Variants in ANKRD17 observed in about 807,000 individuals in gnomAD.
The protein encoded by ANKRD17 is ankyrin repeat domain 17.
Under a neutral mutation model 229.7 loss-of-function variants are expected in ANKRD17, and 19 were observed. The observed-to-expected ratio is 0.08, with a 90% CI of 0.06 to 0.12. The LOEUF is 0.12. Ranked by LOEUF, ANKRD17 falls within the 10% of genes least tolerant of loss-of-function variation. ANKRD17 has a pLI of 1.00. For synonymous variants in ANKRD17, 1,112 were observed against 1,146.1 expected (o/e 0.97, Z 0.60); for missense variants, 2,176 against 3,176.8 (o/e 0.68, Z 7.57).
chr4:73,100,732 T>C (rs1382718633), intron 25 of ANKRD17: 1 of 560,068 alleles, frequency 1.8e-6, no homozygotes. Flanking sequence ...TTTAAAAATG[T>C]AGGTGACATA....
chr4:73,203,921 A>G (rs1051756559), intron 1 of ANKRD17, among the ~76,000 whole-genome samples: 12 of 152,136 alleles, frequency 7.9e-5, no homozygotes, highest in African/African-American at 2.7e-4. Flanking sequence ...AAAAATCAAC[A>G]ACAATGAAAA....
chr4:73,198,553 T>C (rs938932842), intron 1 of ANKRD17, among the ~76,000 whole-genome samples: 2 of 152,116 alleles, frequency 1.3e-5, no homozygotes, highest in African/African-American at 4.8e-5. Flanking sequence ...ACCCATAATT[T>C]TGTAAAAGGA....
chr4:73,093,504 A>G (rs1279796778), intron 28 of ANKRD17, among the ~76,000 whole-genome samples: 1 of 150,770 alleles, frequency 6.6e-6, no homozygotes, highest in Admixed American at 6.6e-5. Flanking sequence ...CAGCCTCCCG[A>G]GTAGCTGAGA....
chr4:73,252,185 T>C (rs1251851999), intron 1 of ANKRD17, among the ~76,000 whole-genome samples: 2 of 152,232 alleles, frequency 1.3e-5, no homozygotes, highest in African/African-American at 4.8e-5. Context: ...CATGGTACTG[T>C]ATAGCAGGAG....
intron 25 of ANKRD17, 184 bp from the exon 26 acceptor site, chr4:73,098,704 G>T: frequency 1.1e-6 from 1 of 880,360 alleles, no homozygotes; most frequent in Non-Finnish European, 1.8e-6. Flanking sequence ...CCCACGTTCT[G>T]TTCAAAGAAT....
chr4:73,150,784 C>T (rs1273451876), intron 7 of ANKRD17, among the ~76,000 whole-genome samples: 1 of 152,080 alleles, frequency 6.6e-6, no homozygotes, highest in Non-Finnish European at 1.5e-5. Context: ...ATTTCTGTGT[C>T]ATAAATAAAC....
chr4:73,240,458 CAAAA>C (rs34164034), intron 1 of ANKRD17, among the ~76,000 whole-genome samples: 4 of 114,850 alleles, frequency 3.5e-5, no homozygotes, highest in Non-Finnish European at 7.1e-5. Context: ...ACTATCTCTA[CAAAA>C]AAAAAAAAAA....
chr4:73,121,520 G>C, intron 19 of ANKRD17, 97 bp downstream of exon 19: 2 of 1,405,746 alleles, frequency 1.4e-6, no homozygotes, highest in Admixed American at 1.8e-5. Context: ...TTGTAATAAA[G>C]GGATTTACTA....
chr4:73,214,045 C>CT (rs1740673155), intron 1 of ANKRD17, among the ~76,000 whole-genome samples: 1 of 152,182 alleles, frequency 6.6e-6, no homozygotes, highest in African/African-American at 2.4e-5. Context: ...AATAGCTTCT[C>CT]TTTGCATTCA....
chr4:73,201,605 A>G (rs1450019729), intron 1 of ANKRD17, among the ~76,000 whole-genome samples: 3 of 152,168 alleles, frequency 2.0e-5, no homozygotes, highest in Non-Finnish European at 4.4e-5. Flanking sequence ...ATATAACACC[A>G]TTAATTTTTC....
chr4:73,168,326 T>A (rs910941859), intron 2 of ANKRD17, among the ~76,000 whole-genome samples: 4 of 152,158 alleles, frequency 2.6e-5, no homozygotes, highest in Non-Finnish European at 5.9e-5. Context: ...TCATAGTGTA[T>A]TTATGTCTAC....
chr4:73,207,204 A>G (rs2149135539), intron 1 of ANKRD17, among the ~76,000 whole-genome samples: 1 of 152,360 alleles, frequency 6.6e-6, no homozygotes, highest in Admixed American at 6.5e-5. Context: ...AGCTCAATGT[A>G]GCCATTTCAC....
intron 1 of ANKRD17, among the ~76,000 whole-genome samples, chr4:73,218,242 G>A (rs555904834): frequency 2.6e-5 from 4 of 152,286 alleles, no homozygotes; most frequent in African/African-American, 9.6e-5. Context: ...CGCTTTTTAA[G>A]TCCACTGCTG....
At chr4:73,220,916 G>A (rs935650635) in intron 1 of ANKRD17, among the ~76,000 whole-genome samples, 2 of 152,028 alleles carry the variant, frequency 1.3e-5, no homozygotes, top group African/African-American at 4.8e-5. Flanking sequence ...GGGGGTAGAG[G>A]GCTAGGGAAT....
Position 73,138,471 on chromosome 4 carries a change from A to G in ANKRD17, c.3085+1060T>C, listed in dbSNP as rs1409242745. On this transcript the variant is annotated intron_variant, in intron 15 of 33. Transcript: ENST00000358602. The stretch of plus-strand genomic sequence containing the variant: ...AACGTTACCTAAATATCTAAACACT[A>G]TACAGTTTAGTTTCCTATTATCCAT... Among the ~76,000 whole-genome samples, 4 of 152,122 alleles carry G rather than the reference A, an allele frequency of 2.6e-5. No homozygotes were observed. The East Asian group carries it at 5.8e-4, about 22-fold the overall frequency.
chr4:73,166,179 A>T (rs150102953), intron 2 of ANKRD17, among the ~76,000 whole-genome samples: 1 of 152,370 alleles, frequency 6.6e-6, no homozygotes, highest in African/African-American at 2.4e-5. Context: ...TTAGCTTTTT[A>T]TGGCATTGCT....
At chr4:73,183,294 T>C (rs12507809) in intron 1 of ANKRD17, among the ~76,000 whole-genome samples, 151,995 of 152,310 alleles carry the variant, frequency 1, 75,841 homozygotes, top group East Asian at 1. Context: ...GGAATTACTT[T>C]GGTTATGTAA....
intron 1 of ANKRD17, among the ~76,000 whole-genome samples, chr4:73,224,710 T>A (rs1387422700): frequency 6.6e-6 from 1 of 152,208 alleles, no homozygotes; most frequent in Non-Finnish European, 1.5e-5. Context: ...CTAAAACATA[T>A]TATTATTATC....
intron 21 of ANKRD17, among the ~76,000 whole-genome samples, chr4:73,119,107 G>A (rs565287759): frequency 7.5e-4 from 114 of 151,740 alleles, no homozygotes; most frequent in African/African-American, 2.6e-3. Context: ...GGCTGGTCTC[G>A]AACTCCTGGG....
Sources: allele counts gnomAD v4.1 joint callset (sites outside exome capture counted in the v4.1 genomes callset), GRCh38; gene constraint gnomAD v4.1.1; transcripts MANE v1.5; gene names NCBI Gene and HGNC (gene_info 2026-07-23, HGNC 2026-07-21).